Variants in ALPK1 observed in about 807,000 individuals in gnomAD.
ALPK1 encodes alpha kinase 1.
A neutral mutation model predicts 120.6 loss-of-function variants in ALPK1; 110 were observed. That is an observed-to-expected ratio of 0.91 (90% CI 0.78 to 1.07). The LOEUF is 1.07. ALPK1 is among the 50% of genes least tolerant of loss of function. ALPK1 has a pLI of 0.00. For synonymous variants in ALPK1, 582 were observed against 560.3 expected (o/e 1.04, Z -0.55); for missense variants, 1,498 against 1,483.9 (o/e 1.01, Z -0.16).
At chr4:112,340,427 T>A (rs1434388663) in intron 2 of ALPK1, among the ~76,000 whole-genome samples, 2 of 152,210 alleles carry the variant, frequency 1.3e-5, no homozygotes, top group Non-Finnish European at 2.9e-5. Context: ...TAAAAAAAAG[T>A]GAAGTTAAAT....
At chr4:112,344,973 A>C (rs906343807) in intron 2 of ALPK1, among the ~76,000 whole-genome samples, 1 of 152,248 alleles carries the variant, frequency 6.6e-6, no homozygotes, top group Non-Finnish European at 1.5e-5. Flanking sequence ...GTATTTAAAA[A>C]ATGTTTAAAG....
intron 1 of ALPK1, among the ~76,000 whole-genome samples, chr4:112,315,399 A>G (rs1461004139): frequency 6.6e-6 from 1 of 152,204 alleles, no homozygotes; most frequent in Non-Finnish European, 1.5e-5. Flanking sequence ...TTCATGCATA[A>G]TAAAATTATC....
intron 2 of ALPK1, among the ~76,000 whole-genome samples, chr4:112,350,693 GA>G (rs1239435592): frequency 6.6e-6 from 1 of 152,150 alleles, no homozygotes; most frequent in African/African-American, 2.4e-5. Context: ...CTCTTATCCT[GA>G]TCTTCTCTGT....
rs1306422248 is a variant in ALPK1 at position 112,431,378 on chromosome 4, C to A, written c.1831C>A (p.Pro611Thr). 8 of 1,614,060 alleles carry A rather than the reference C, an allele frequency of 5.0e-6. No homozygotes were observed. Among genetic ancestry groups the A allele is most frequent in the East Asian group, 4.5e-5 (2 of 44,894 alleles). ...TGACGACAGGTCAGCCAGAAAAGAG[C>A]CTGGCAAAGAACATCTGGTGGACAC... The part of the protein sequence containing the change: ...HVDDRSARKE[P>T]GKEHLVDTQC... The change falls in exon 11 of 16, where the codon CCT becomes ACT. Residue 611 changes from proline (P) to threonine (T), a missense_variant. Pro to Thr is a conservative substitution (Grantham distance 38, BLOSUM62 -1). Coordinates refer to ENST00000650871, the MANE Select transcript of ALPK1 (RefSeq NM_025144.4).
chr4:112,442,580 A>C lies in ALPK1; in HGVS notation c.*1370A>C, dbSNP rs1735079223. ...AAACCCCCATGACACAAACCTGCAC[A>C]TGTACCCCTGAACTTAAAATAAAAG... On this transcript the variant is annotated 3_prime_UTR_variant, in exon 16 of 16. Coordinates refer to ENST00000650871, the MANE Select transcript of ALPK1 (RefSeq NM_025144.4). The C allele has an allele frequency of 6.6e-6, 1 of 151,954 alleles. No homozygotes were observed. The allele number at this position is 151,954 out of a possible 1,614,324, so 9.4% of individuals were successfully genotyped here.
intron 4 of ALPK1, chr4:112,383,020 T>A (rs774839295): frequency 6.0e-6 from 1 of 166,722 alleles, no homozygotes; most frequent in African/African-American, 2.4e-5. Context: ...CTTTCTTATA[T>A]CCTCAAGATT....
chr4:112,356,705 G>T, intron 2 of ALPK1: 1 of 971,022 alleles, frequency 1.0e-6, no homozygotes. Context: ...CCCCATCCTG[G>T]ACATCGAGGA....
intron 4 of ALPK1, among the ~76,000 whole-genome samples, chr4:112,390,741 G>A (rs1324919744): frequency 1.3e-5 from 2 of 152,228 alleles, no homozygotes; most frequent in South Asian, 2.1e-4. Context: ...CTAGGTACTG[G>A]TCAGGAGGAT....
intron 12 of ALPK1, 69 bp from the exon 13 acceptor site, chr4:112,438,412 TCTC>T: frequency 2.8e-6 from 4 of 1,408,146 alleles, no homozygotes; most frequent in Non-Finnish European, 3.9e-6. Context: ...TGTCTTTTGA[TCTC>T]CTCTCTCTTA....
intron 4 of ALPK1, chr4:112,383,112 A>G (rs1731997170): frequency 6.5e-6 from 1 of 153,560 alleles, no homozygotes; most frequent in African/African-American, 2.4e-5. Flanking sequence ...TTGAACTGGT[A>G]CTTCTATGCC....
intron 2 of ALPK1, among the ~76,000 whole-genome samples, chr4:112,320,343 C>G (rs1728814240): frequency 6.6e-6 from 1 of 152,178 alleles, no homozygotes; most frequent in Non-Finnish European, 1.5e-5. Context: ...TGGTGTATCA[C>G]ATTTATTGCC....
rs1249860715 is a variant in ALPK1, at chr4:112,326,961, G to A, written c.-101+11109G>A. Among the ~76,000 whole-genome samples the A allele has an allele frequency of 2.0e-5, 3 of 152,214 alleles. No homozygotes were observed. In the East Asian group the frequency reaches 5.8e-4, roughly 29 times the overall value. On this transcript the variant is annotated intron_variant, in intron 2 of 15. Transcript: ENST00000650871. ...ACGTGGTGGTGCAGGAGGCTTCTCTGCATTTCTGCCTGTACCCTCAGTCAC... is the reference window on the plus strand; with the variant it reads ...ACGTGGTGGTGCAGGAGGCTTCTCTACATTTCTGCCTGTACCCTCAGTCAC...
At chr4:112,372,768 C>A (rs577665350) in intron 2 of ALPK1, among the ~76,000 whole-genome samples, 1 of 152,098 alleles carries the variant, frequency 6.6e-6, no homozygotes, top group Non-Finnish European at 1.5e-5. Flanking sequence ...TGACCAACAC[C>A]CTCCCTAATT....
intron 1 of ALPK1, among the ~76,000 whole-genome samples, chr4:112,299,960 G>A (rs941413371): frequency 6.6e-6 from 1 of 152,028 alleles, no homozygotes; most frequent in Non-Finnish European, 1.5e-5. Flanking sequence ...CTAGATCAAG[G>A]GCTACTAATG....
chr4:112,317,941 T>C (rs1728708204), intron 2 of ALPK1, among the ~76,000 whole-genome samples: 1 of 152,168 alleles, frequency 6.6e-6, no homozygotes, highest in Admixed American at 6.5e-5. Flanking sequence ...AATGGAAGTA[T>C]AATTGAAAGG....
chr4:112,320,600 G>A (rs554156781), intron 2 of ALPK1, among the ~76,000 whole-genome samples: 23 of 152,176 alleles, frequency 1.5e-4, no homozygotes, highest in African/African-American at 4.8e-4. Flanking sequence ...TTTTGGAATA[G>A]TTTCAATAGG....
At chr4:112,388,014 T>C (rs560316252) in intron 4 of ALPK1, among the ~76,000 whole-genome samples, 1 of 152,192 alleles carries the variant, frequency 6.6e-6, no homozygotes, top group Non-Finnish European at 1.5e-5. Context: ...CCACTTAGAG[T>C]GAGAACATGC....
At chr4:112,414,533 C>T (rs1010231457) in intron 5 of ALPK1, 29 of 293,882 alleles carry the variant, frequency 9.9e-5, no homozygotes, top group African/African-American at 4.1e-4. Flanking sequence ...ACTTGAACTC[C>T]GGAGGTGGAA....
At position 112,339,571 on chromosome 4, in the gene ALPK1, A is replaced by G. The variant is rs917145904; in HGVS notation, c.-101+23719A>G. Reference sequence around the variant, plus strand: ...ATTTAAACATTATTAAAGGAATGTCATCAGTAGAATATAGACTTCACTAAT... The same window carrying G: ...ATTTAAACATTATTAAAGGAATGTCGTCAGTAGAATATAGACTTCACTAAT... On this transcript the variant is annotated intron_variant, in intron 2 of 15. Transcript: ENST00000650871. 5.2e-5 allele frequency among the ~76,000 whole-genome samples: 8 copies of G among 152,382 alleles called. No homozygotes were observed. In the South Asian group the frequency reaches 1.2e-3, roughly 24 times the overall value.
Sources: gnomAD v4.1 joint callset for allele counts (sites outside exome capture counted in the v4.1 genomes callset) on GRCh38, gnomAD v4.1.1 for gene constraint, MANE v1.5 for transcripts, NCBI Gene and HGNC (gene_info 2026-07-23, HGNC 2026-07-21) for gene names.